The following MAGI2 variants were observed in gnomAD, a reference collection of about 807,000 sequenced individuals.
MAGI2 encodes membrane-associated guanylate kinase, WW and PDZ domain-containing protein 2.
A neutral mutation model predicts 133.3 loss-of-function variants in MAGI2; 35 were observed. The ratio of observed to expected loss-of-function variants is 0.26; its 90% CI spans 0.20 to 0.35. MAGI2 has a LOEUF of 0.35. Ranked by LOEUF, MAGI2 falls within the 10% of genes least tolerant of loss-of-function variation. MAGI2 has a pLI of 1.00. For missense variants in MAGI2, 1,636 were observed against 1,863.4 expected (o/e 0.88, Z 2.25); for synonymous variants, 729 against 710.6 (o/e 1.03, Z -0.41).
intron 1 of MAGI2, among the ~76,000 whole-genome samples, chr7:79,320,052 C>A (rs1378603851): frequency 6.6e-6 from 1 of 152,080 alleles, no homozygotes; most frequent in East Asian, 1.9e-4. Flanking sequence ...TGAGGAAATT[C>A]AGTGGTATGT....
At chr7:78,321,368 T>C (rs1469652918) in intron 9 of MAGI2, among the ~76,000 whole-genome samples, 1 of 152,172 alleles carries the variant, frequency 6.6e-6, no homozygotes, top group African/African-American at 2.4e-5. Context: ...GACTTCAAAC[T>C]ATACTACGAG....
intron 2 of MAGI2, among the ~76,000 whole-genome samples, chr7:78,906,588 G>A (rs1798008003): frequency 6.6e-6 from 1 of 152,160 alleles, no homozygotes; most frequent in Admixed American, 6.5e-5. Flanking sequence ...TGATTTCACT[G>A]TCTTTTCCTT....
chr7:78,634,067 C>T (rs145733149), intron 2 of MAGI2, among the ~76,000 whole-genome samples: 1 of 152,170 alleles, frequency 6.6e-6, no homozygotes, highest in Non-Finnish European at 1.5e-5. Context: ...TTCACTCAGG[C>T]TAACACTTAT....
chr7:79,213,188 C>A (rs537636128), intron 1 of MAGI2, among the ~76,000 whole-genome samples: 1 of 150,762 alleles, frequency 6.6e-6, no homozygotes, highest in Non-Finnish European at 1.5e-5. Flanking sequence ...ATAGATTTTT[C>A]TGTATAGATT....
chr7:78,491,353 A>G (rs906308788), intron 5 of MAGI2, among the ~76,000 whole-genome samples: 6 of 152,122 alleles, frequency 3.9e-5, no homozygotes, highest in Non-Finnish European at 5.9e-5. Context: ...GTATAGAGCT[A>G]TCTTTAATTT....
At chr7:79,364,953 T>G (rs771302625) in intron 1 of MAGI2, among the ~76,000 whole-genome samples, 15 of 150,582 alleles carry the variant, frequency 1.0e-4, no homozygotes, top group Non-Finnish European at 2.1e-4. Context: ...GTGAAAAGAA[T>G]GAAAAGGCAA....
intron 1 of MAGI2, among the ~76,000 whole-genome samples, chr7:79,057,959 A>G (rs1400255157): frequency 2.6e-5 from 3 of 114,124 alleles, no homozygotes; most frequent in African/African-American, 4.9e-5. Flanking sequence ...GGGCTCTATT[A>G]GTTTTTTTTT....
At chr7:78,234,290 CAT>C (rs2150883979) in intron 10 of MAGI2, among the ~76,000 whole-genome samples, 1 of 152,234 alleles carries the variant, frequency 6.6e-6, no homozygotes, top group East Asian at 1.9e-4. Context: ...TGCTTTGTAA[CAT>C]AAAACTGCTT....
intron 21 of MAGI2, among the ~76,000 whole-genome samples, chr7:78,077,777 T>A (rs1815513039): frequency 7.4e-6 from 1 of 134,258 alleles, no homozygotes. Flanking sequence ...TTGCCCAGAC[T>A]GGAGTGTAAT....
chr7:78,586,579 G>A (rs966744965), intron 3 of MAGI2, among the ~76,000 whole-genome samples: 1 of 152,054 alleles, frequency 6.6e-6, no homozygotes, highest in South Asian at 2.1e-4. Context: ...GATAAAATAT[G>A]CATAACAAAG....
intron 1 of MAGI2, among the ~76,000 whole-genome samples, chr7:79,070,440 T>C (rs1023043437): frequency 4.0e-5 from 6 of 151,694 alleles, no homozygotes; most frequent in African/African-American, 7.3e-5. Flanking sequence ...TCTCGTGTTG[T>C]GTTTTCAGCT....
chr7:79,166,989 T>G (rs950786275), intron 1 of MAGI2, among the ~76,000 whole-genome samples: 2 of 152,134 alleles, frequency 1.3e-5, no homozygotes, highest in Admixed American at 1.3e-4. Flanking sequence ...AAGGGGAAGG[T>G]ATACTACTCC....
intron 1 of MAGI2, among the ~76,000 whole-genome samples, chr7:79,444,416 A>T (rs1245114557): frequency 6.6e-6 from 1 of 152,206 alleles, no homozygotes. Flanking sequence ...AGAAAACCCC[A>T]TCATCTCAGC....
chr7:78,941,443 A>G (rs1800962150), intron 2 of MAGI2, among the ~76,000 whole-genome samples: 1 of 152,046 alleles, frequency 6.6e-6, no homozygotes. Flanking sequence ...TCCCCCTCTC[A>G]GGTTCAAGTG....
In MAGI2 at chr7:79,453,453, G is replaced by A. The variant is rs1849440344; in HGVS notation, c.-133C>T. 6.8e-7 allele frequency: 1 copy of A among 1,480,222 alleles called. No homozygotes were observed. The highest frequency in any genetic ancestry group is 8.9e-7 in the Non-Finnish European group (1 of 1,123,170). The allele number at this position is 1,480,222 out of a possible 1,614,324, so 91.7% of individuals were successfully genotyped here. A position where few individuals can be genotyped will look rare whatever the true frequency, so the allele number is the denominator to read the frequency against. ...ACTTTGCCTTCGCCCCCCTCTATTC[G>A]GTGCTTTCCCTCTTCTTTGGATGGA... On this transcript the variant is annotated 5_prime_UTR_variant, in exon 1 of 22. Coordinates refer to ENST00000354212, the MANE Select transcript of MAGI2 (RefSeq NM_012301.4).
intron 1 of MAGI2, among the ~76,000 whole-genome samples, chr7:79,118,060 C>T (rs144484138): frequency 8.5e-5 from 13 of 152,128 alleles, no homozygotes; most frequent in South Asian, 4.1e-4. Flanking sequence ...TTATTAAATG[C>T]GATGCAAGTC....
At chr7:79,326,854 C>A (rs984614222) in intron 1 of MAGI2, among the ~76,000 whole-genome samples, 2 of 152,076 alleles carry the variant, frequency 1.3e-5, no homozygotes, top group Non-Finnish European at 2.9e-5. Context: ...GTCCTCTTTT[C>A]GGCATGATGA....
At chr7:79,351,296 G>T (rs957954541) in intron 1 of MAGI2, among the ~76,000 whole-genome samples, 4 of 152,002 alleles carry the variant, frequency 2.6e-5, no homozygotes, top group Non-Finnish European at 5.9e-5. Context: ...GTTTTGTCTT[G>T]GTATGCATCT....
At chr7:78,356,003 G>C (rs1013448908) in intron 7 of MAGI2, among the ~76,000 whole-genome samples, 6 of 152,174 alleles carry the variant, frequency 3.9e-5, no homozygotes, top group African/African-American at 1.4e-4. Context: ...TGAGGAGTCA[G>C]GAGACTGGGC....
Sources: allele counts gnomAD v4.1 joint callset (sites outside exome capture counted in the v4.1 genomes callset), GRCh38; gene constraint gnomAD v4.1.1; transcripts MANE v1.5; gene names NCBI Gene and HGNC (gene_info 2026-07-23, HGNC 2026-07-21).